The following ATP8A1 variants were observed in gnomAD, a reference collection of about 807,000 sequenced individuals.
The protein encoded by ATP8A1 is ATPase phospholipid transporting 8A1.
In ATP8A1, 90 loss-of-function variants were observed where a neutral mutation model predicts 177.7. The observed-to-expected ratio is 0.51, with a 90% CI of 0.43 to 0.60. The LOEUF is 0.60. Among genes scored for constraint, ATP8A1 ranks in the 20% least tolerant of loss-of-function variants. ATP8A1 has a pLI of 0.00. For missense variants in ATP8A1, 1,072 were observed against 1,392.8 expected (o/e 0.77, Z 3.67); for synonymous variants, 493 against 485.9 (o/e 1.01, Z -0.19).
chr4:42,540,708 C>CT (rs1728301844), intron 20 of ATP8A1, among the ~76,000 whole-genome samples: 1 of 150,234 alleles, frequency 6.7e-6, no homozygotes, highest in Non-Finnish European at 1.5e-5. Flanking sequence ...CATATTCTCA[C>CT]TTATATGTGA....
intron 33 of ATP8A1, among the ~76,000 whole-genome samples, chr4:42,426,572 T>C (rs907230934): frequency 6.6e-6 from 1 of 152,208 alleles, no homozygotes; most frequent in South Asian, 2.1e-4. Flanking sequence ...CAGTGGATTG[T>C]AGGAATTAAA....
intron 31 of ATP8A1, among the ~76,000 whole-genome samples, chr4:42,444,891 T>G (rs1326987336): frequency 6.6e-6 from 1 of 152,194 alleles, no homozygotes; most frequent in African/African-American, 2.4e-5. Flanking sequence ...AGCCTGACCC[T>G]CCATCCACGA....
chr4:42,414,545 C>A, intron 36 of ATP8A1, 82 bp downstream of exon 36: 8 of 1,207,880 alleles, frequency 6.6e-6, no homozygotes, highest in Non-Finnish European at 6.0e-6. Context: ...AATAAATATC[C>A]CTAAAGTCAG....
At chr4:42,583,619 C>G (rs574552906) in intron 9 of ATP8A1, among the ~76,000 whole-genome samples, 1 of 152,220 alleles carries the variant, frequency 6.6e-6, no homozygotes, top group Non-Finnish European at 1.5e-5. Flanking sequence ...TTCATCATAG[C>G]TGGTGTTCCA....
chr4:42,655,173 G>A (rs189366320), intron 1 of ATP8A1, among the ~76,000 whole-genome samples: 1 of 152,348 alleles, frequency 6.6e-6, no homozygotes, highest in Non-Finnish European at 1.5e-5. Context: ...ATGTGTCACT[G>A]AACTAGTTAC....
intron 19 of ATP8A1, 76 bp downstream of exon 19, chr4:42,548,937 A>T: frequency 8.7e-7 from 1 of 1,144,748 alleles, no homozygotes; most frequent in Non-Finnish European, 1.3e-6. Flanking sequence ...CATACTTTCT[A>T]GTTATTCAAA....
At chr4:42,467,758 T>C (rs904121083) in intron 25 of ATP8A1, among the ~76,000 whole-genome samples, 1 of 152,160 alleles carries the variant, frequency 6.6e-6, no homozygotes, top group African/African-American at 2.4e-5. Flanking sequence ...CCCTGACCAT[T>C]AGTGATGTCA....
intron 1 of ATP8A1, among the ~76,000 whole-genome samples, chr4:42,628,079 AGAGG>A (rs1220637249): frequency 6.6e-6 from 1 of 152,156 alleles, no homozygotes; most frequent in Non-Finnish European, 1.5e-5. Context: ...CTAGGGCCAT[AGAGG>A]GTGTGTTATT....
chr4:42,576,733 GT>G (rs1442761011), intron 12 of ATP8A1, among the ~76,000 whole-genome samples: 4 of 152,102 alleles, frequency 2.6e-5, no homozygotes, highest in Non-Finnish European at 4.4e-5. Flanking sequence ...AGGTTATTGA[GT>G]TTTATGTGCC....
intron 27 of ATP8A1, among the ~76,000 whole-genome samples, chr4:42,456,343 G>A (rs996521420): frequency 2.6e-5 from 4 of 152,056 alleles, no homozygotes; most frequent in Non-Finnish European, 5.9e-5. Flanking sequence ...ATAGGTCAAA[G>A]TACATGAGTC....
At chr4:42,447,527 C>CA (rs1308953869) in intron 30 of ATP8A1, among the ~76,000 whole-genome samples, 1 of 152,062 alleles carries the variant, frequency 6.6e-6, no homozygotes, top group African/African-American at 2.4e-5. Flanking sequence ...AGCTGATGCA[C>CA]AAAAATTTCT....
At chr4:42,493,611 T>G (rs1019218360) in intron 24 of ATP8A1, among the ~76,000 whole-genome samples, 17 of 152,142 alleles carry the variant, frequency 1.1e-4, no homozygotes, top group Non-Finnish European at 1.9e-4. Context: ...TAATGTAATT[T>G]TTTTGGTTTG....
intron 24 of ATP8A1, among the ~76,000 whole-genome samples, chr4:42,487,629 A>G (rs981089304): frequency 3.3e-5 from 5 of 152,282 alleles, no homozygotes; most frequent in Non-Finnish European, 7.4e-5. Context: ...TTCCAATTTA[A>G]GCATGTCGTT....
At chr4:42,492,942 T>C (rs551161810) in intron 24 of ATP8A1, among the ~76,000 whole-genome samples, 2 of 152,318 alleles carry the variant, frequency 1.3e-5, no homozygotes, top group African/African-American at 4.8e-5. Context: ...AGAATGTTAT[T>C]AAAACACCTT....
At position 42,412,931 on chromosome 4, in the gene ATP8A1, C is replaced by T. The variant is rs1413279361; in HGVS notation, c.3480G>A (p.Arg1160=). Residue 1160 remains arginine (R), a synonymous_variant, in exon 37 of 37, where the codon AGG becomes AGA. Transcript: ENST00000381668. The stretch of plus-strand genomic sequence containing the variant: ...GCTCTCCCCATCACCATTCGTCGGG[C>T]CTCTGTTTCGTGGTATCATATGCTC... The part of the protein sequence containing the change: ...VIRAYDTTKQ[R]PDEW 6.2e-7 allele frequency: 1 copy of T among 1,613,474 alleles called. No individual in the cohort carries two copies. Among genetic ancestry groups the T allele is most frequent in the Admixed American group, 1.7e-5 (1 of 59,966 alleles).
At chr4:42,466,069 C>G (rs966979532) in intron 25 of ATP8A1, among the ~76,000 whole-genome samples, 2 of 136,226 alleles carry the variant, frequency 1.5e-5, no homozygotes, top group African/African-American at 2.7e-5. Flanking sequence ...GGAATAAACA[C>G]TAGGACAAGG....
intron 10 of ATP8A1, among the ~76,000 whole-genome samples, chr4:42,581,223 T>G (rs1052136034): frequency 2.0e-5 from 3 of 152,076 alleles, no homozygotes; most frequent in African/African-American, 7.2e-5. Context: ...AAGCTCCGCC[T>G]CCTGGATTCA....
At chr4:42,438,329 T>C (rs911784456) in intron 33 of ATP8A1, among the ~76,000 whole-genome samples, 4 of 152,242 alleles carry the variant, frequency 2.6e-5, no homozygotes, top group African/African-American at 9.6e-5. Flanking sequence ...AAAGTGCCTC[T>C]AACAGTGACT....
chr4:42,553,294 T>A (rs1372995789), intron 16 of ATP8A1, among the ~76,000 whole-genome samples: 1 of 152,202 alleles, frequency 6.6e-6, no homozygotes, highest in Non-Finnish European at 1.5e-5. Context: ...CAGATTTAAA[T>A]TTTAGGCATG....
Sources: gnomAD v4.1 joint callset for allele counts (sites outside exome capture counted in the v4.1 genomes callset) on GRCh38, gnomAD v4.1.1 for gene constraint, MANE v1.5 for transcripts, NCBI Gene and HGNC (gene_info 2026-07-23, HGNC 2026-07-21) for gene names.